The following B4GALT5 variants were observed in gnomAD, a reference collection of about 807,000 sequenced individuals.
B4GALT5 encodes beta-1,4-galactosyltransferase 5.
In B4GALT5, 11 loss-of-function variants were observed where a neutral mutation model predicts 45.0. The ratio of observed to expected loss-of-function variants is 0.24; its 90% CI spans 0.15 to 0.40. The LOEUF (loss-of-function observed/expected upper bound fraction) is 0.40, where lower values mean the gene tolerates loss of function less well. B4GALT5 is among the 10% of genes least tolerant of loss of function. B4GALT5 has a pLI of 1.00. For synonymous variants in B4GALT5, 185 were observed against 182.9 expected (o/e 1.01, Z -0.09); for missense variants, 337 against 500.2 (o/e 0.67, Z 3.11).
At chr20:49,669,439 G>A (rs2085706112) in intron 1 of B4GALT5, among the ~76,000 whole-genome samples, 2 of 152,166 alleles carry the variant, frequency 1.3e-5, no homozygotes, top group South Asian at 2.1e-4. Context: ...GCTCACACCT[G>A]TAATCCCAGC....
intron 1 of B4GALT5, among the ~76,000 whole-genome samples, chr20:49,660,827 T>C (rs546974868): frequency 1.3e-5 from 2 of 152,240 alleles, no homozygotes; most frequent in African/African-American, 4.8e-5. Context: ...TCTACAAAAA[T>C]AGATTTTAAA....
intron 5 of B4GALT5, among the ~76,000 whole-genome samples, chr20:49,641,516 A>T (rs2085576900): frequency 6.6e-6 from 1 of 152,236 alleles, no homozygotes; most frequent in Admixed American, 6.5e-5. Flanking sequence ...TGTTACAGCT[A>T]CATTGACTCC....
intron 1 of B4GALT5, among the ~76,000 whole-genome samples, chr20:49,685,538 A>T (rs973492543): frequency 1.3e-5 from 2 of 152,102 alleles, no homozygotes; most frequent in African/African-American, 4.8e-5. Flanking sequence ...GGGGAGAAAA[A>T]CGCTGGATCC....
chr20:49,640,902 C>T (rs1485348951), intron 5 of B4GALT5, among the ~76,000 whole-genome samples: 2 of 152,118 alleles, frequency 1.3e-5, no homozygotes, highest in African/African-American at 2.4e-5. Flanking sequence ...GTGGGCGGAT[C>T]AGGAGTTCGA....
At chr20:49,660,614 T>C (rs1056353702) in intron 1 of B4GALT5, among the ~76,000 whole-genome samples, 2 of 152,226 alleles carry the variant, frequency 1.3e-5, no homozygotes, top group African/African-American at 4.8e-5. Flanking sequence ...AGATGCTAAA[T>C]TGCCCTTCTC....
In B4GALT5 at chr20:49,659,555, A is replaced by G. The variant is rs1030380527; in HGVS notation, c.116-2853T>C. 3.9e-5 allele frequency among the ~76,000 whole-genome samples: 6 copies of G among 152,324 alleles called. No homozygotes were observed. In the South Asian group the frequency reaches 1.2e-3, roughly 32 times the overall value. On this transcript the variant is annotated intron_variant, in intron 1 of 8. Coordinates refer to ENST00000371711, the MANE Select transcript of B4GALT5 (RefSeq NM_004776.4). ...ATAGTATTTTTTTTTCTAATTATCG[A>G]AAGGAACTAGCACAATGCTAAAAAA...
Position 49,636,447 on chromosome 20 carries a change from C to G in B4GALT5, c.1032G>C (p.Leu344=), listed in dbSNP as rs771746634. 1 of 1,614,174 alleles carries G rather than the reference C, an allele frequency of 6.2e-7. No homozygotes were observed. The highest frequency in any genetic ancestry group is 1.1e-5 in the South Asian group (1 of 91,076). Residue 344 remains leucine, a synonymous_variant, in exon 9 of 9, where the codon CTG becomes CTC. Coordinates refer to ENST00000371711, the MANE Select transcript of B4GALT5 (RefSeq NM_004776.4). ...EVQFLGRYAL[L]RKSKERQGLD... is the part of the protein sequence containing the mutation. Reference sequence around the variant, plus strand: ...GCCCTTGCCGTTCTTTTGACTTCCTCAGCAGAGCATACCTGTTTAGGGAGG... The same window carrying G: ...GCCCTTGCCGTTCTTTTGACTTCCTGAGCAGAGCATACCTGTTTAGGGAGG...
rs879050561 is a variant in B4GALT5 at position 49,639,890 on chromosome 20, C to T, written c.795-90G>A. 1.2e-5 allele frequency: 19 copies of T among 1,521,048 alleles called. No individual in the cohort carries two copies. The African/African-American group carries it at 2.2e-4, about 18-fold the overall frequency. 94.2% of individuals were successfully genotyped at this position (1,521,048 alleles called of 1,614,324 possible). ...TCTCATTTGAGGACTAAAAACAGTG[C>T]TCTCTGTGCTCCTGACCTGAACCAT... On this transcript the variant is annotated intron_variant, in intron 6 of 8. Coordinates refer to ENST00000371711, the MANE Select transcript of B4GALT5 (RefSeq NM_004776.4).
At chr20:49,681,932 C>CA (rs938667645) in intron 1 of B4GALT5, among the ~76,000 whole-genome samples, 2 of 152,112 alleles carry the variant, frequency 1.3e-5, no homozygotes, top group Non-Finnish European at 2.9e-5. Flanking sequence ...CCCGTCTCTA[C>CA]AAAAAATACA....
At chr20:49,664,156 G>T (rs961943808) in intron 1 of B4GALT5, among the ~76,000 whole-genome samples, 9 of 152,074 alleles carry the variant, frequency 5.9e-5, no homozygotes, top group African/African-American at 2.2e-4. Flanking sequence ...CTAATGCAAT[G>T]TAAGATATTT....
At chr20:49,660,915 G>A (rs898520418) in intron 1 of B4GALT5, among the ~76,000 whole-genome samples, 1 of 152,130 alleles carries the variant, frequency 6.6e-6, no homozygotes, top group African/African-American at 2.4e-5. Context: ...AACCATGATC[G>A]TGCCACTGCA....
intron 1 of B4GALT5, 111 bp from the exon 2 acceptor site, chr20:49,656,813 T>TAAA: frequency 7.2e-7 from 1 of 1,398,060 alleles, no homozygotes; most frequent in Non-Finnish European, 9.8e-7. Flanking sequence ...AAGCCTCTTT[T>TAAA]AGTTCTTTTA....
intron 2 of B4GALT5, among the ~76,000 whole-genome samples, chr20:49,656,360 T>C (rs999715217): frequency 6.6e-6 from 1 of 152,210 alleles, no homozygotes; most frequent in Non-Finnish European, 1.5e-5. Flanking sequence ...CAAGTACTCT[T>C]TTATAGCAAC....
chr20:49,636,851 A>G (rs1256983113), intron 8 of B4GALT5, among the ~76,000 whole-genome samples: 3 of 151,834 alleles, frequency 2.0e-5, no homozygotes, highest in African/African-American at 7.3e-5. Context: ...TGAAAACAGA[A>G]TTTCAGCAAT....
intron 1 of B4GALT5, among the ~76,000 whole-genome samples, chr20:49,693,562 G>C (rs2085825246): frequency 6.6e-6 from 1 of 152,134 alleles, no homozygotes; most frequent in Non-Finnish European, 1.5e-5. Context: ...AAGGCCCTAA[G>C]GTAGATGACT....
At chr20:49,654,347 T>C (rs368169502) in intron 2 of B4GALT5, among the ~76,000 whole-genome samples, 241 of 152,306 alleles carry the variant, frequency 1.6e-3, no homozygotes, top group African/African-American at 5.2e-3. Context: ...TGTGTGCGGA[T>C]TGTGCAAAAC....
chr20:49,655,050 G>A (rs2085636584), intron 2 of B4GALT5, among the ~76,000 whole-genome samples: 1 of 152,070 alleles, frequency 6.6e-6, no homozygotes, highest in South Asian at 2.1e-4. Flanking sequence ...AGAATCACTT[G>A]AGCCTGGGAG....
intron 3 of B4GALT5, among the ~76,000 whole-genome samples, chr20:49,645,319 G>T (rs2085594521): frequency 6.6e-6 from 1 of 152,218 alleles, no homozygotes; most frequent in Non-Finnish European, 1.5e-5. Context: ...ATATACGGTG[G>T]TTGCATAAGA....
At chr20:49,675,028 G>A (rs1568726469) in intron 1 of B4GALT5, among the ~76,000 whole-genome samples, 2 of 152,242 alleles carry the variant, frequency 1.3e-5, no homozygotes, top group Admixed American at 6.5e-5. Flanking sequence ...AAAAAATCCC[G>A]GGAAAAATAA....
Sources: allele counts gnomAD v4.1 joint callset (sites outside exome capture counted in the v4.1 genomes callset), GRCh38; gene constraint gnomAD v4.1.1; transcripts MANE v1.5; gene names NCBI Gene and HGNC (gene_info 2026-07-23, HGNC 2026-07-21).